Variants in CAST observed in about 807,000 individuals in gnomAD.
The protein encoded by CAST is MIR583 host.
In CAST, 76 loss-of-function variants were observed where a neutral mutation model predicts 119.6. The observed-to-expected ratio is 0.64, with a 90% CI of 0.53 to 0.77. The LOEUF is 0.77. CAST is among the 30% of genes least tolerant of loss of function. CAST has a pLI of 0.00. For missense variants in CAST, 953 were observed against 946.5 expected (o/e 1.01, Z -0.09); for synonymous variants, 319 against 331.6 (o/e 0.96, Z 0.41).
chr5:95,988,149 C>T, the CAST span, among the ~76,000 whole-genome samples: 1 of 152,150 alleles, frequency 6.6e-6, no homozygotes, highest in East Asian at 1.9e-4. Context: ...TGTGTGGAGA[C>T]ATTTTTGCTT....
the CAST span, among the ~76,000 whole-genome samples, chr5:96,070,714 G>A: frequency 2.0e-5 from 3 of 152,160 alleles, no homozygotes; most frequent in Non-Finnish European, 4.4e-5. Flanking sequence ...GGAGACAGTT[G>A]TACAATAGAC....
At chr5:96,246,734 T>C in the CAST span, among the ~76,000 whole-genome samples, 2 of 152,194 alleles carry the variant, frequency 1.3e-5, no homozygotes, top group African/African-American at 2.4e-5. Context: ...GTAATTTGAA[T>C]TTGACATATT....
At chr5:96,300,521 A>G in the CAST span, among the ~76,000 whole-genome samples, 1 of 151,184 alleles carries the variant, frequency 6.6e-6, no homozygotes, top group African/African-American at 2.4e-5. Context: ...ACAGTTTGAA[A>G]TCAAGTAGTG....
chr5:95,999,246 T>G, the CAST span, among the ~76,000 whole-genome samples: 1 of 152,202 alleles, frequency 6.6e-6, no homozygotes, highest in Non-Finnish European at 1.5e-5. Flanking sequence ...TGTTTTTTTG[T>G]GTCTGGCTTG....
the CAST span, among the ~76,000 whole-genome samples, chr5:96,121,157 A>G: frequency 6.6e-6 from 1 of 152,292 alleles, no homozygotes; most frequent in East Asian, 1.9e-4. Context: ...ACTGGAATGT[A>G]AGCTTCAAAA....
chr5:96,370,902 G>C, the CAST span, among the ~76,000 whole-genome samples: 1 of 152,132 alleles, frequency 6.6e-6, no homozygotes, highest in Non-Finnish European at 1.5e-5. Context: ...ACTCAAATTG[G>C]AGAGCTCCCC....
In CAST at chr5:96,763,274, C is replaced by T. The variant is rs202219867; in HGVS notation, c.1932+902C>T. 8.4e-4 allele frequency: 653 copies of T among 780,422 alleles called. 3 individuals are homozygous for T. In the African/African-American group the frequency reaches 8.9e-3, roughly 11 times the overall value. 48.3% of individuals were successfully genotyped at this position (780,422 alleles called of 1,614,324 possible). A position where few individuals can be genotyped will look rare whatever the true frequency, so the allele number is the denominator to read the frequency against. ...AAATGACAAAGCCCAGACCTGGCCCCGGGCAGCTCTACCATTAGCAGCTAT... is the reference window on the plus strand; with the variant it reads ...AAATGACAAAGCCCAGACCTGGCCCTGGGCAGCTCTACCATTAGCAGCTAT... On this transcript the variant is annotated intron_variant, in intron 25 of 31. Coordinates refer to ENST00000675179, the MANE Select transcript of CAST (RefSeq NM_001750.7).
At chr5:96,423,656 C>T in the CAST span, among the ~76,000 whole-genome samples, 2 of 152,140 alleles carry the variant, frequency 1.3e-5, no homozygotes, top group East Asian at 3.9e-4. Flanking sequence ...GCTCTTCTCC[C>T]GATTGTCCCA....
the CAST span, chr5:96,410,960 G>C: frequency 1.2e-6 from 2 of 1,613,460 alleles, no homozygotes; most frequent in Non-Finnish European, 1.7e-6. Context: ...AAGCCCAGAC[G>C]AAGATGGACC....
At chr5:96,618,125 G>A (rs1320816888) in intron 1 of CAST, among the ~76,000 whole-genome samples, 1 of 152,174 alleles carries the variant, frequency 6.6e-6, no homozygotes. Flanking sequence ...CAGTCCTACA[G>A]GGCTAACTCC....
the CAST span, chr5:96,393,192 C>A: frequency 6.2e-7 from 1 of 1,614,136 alleles, no homozygotes. Flanking sequence ...TTGAGCTTTG[C>A]ACTTGGGGAC....
intron 3 of CAST, among the ~76,000 whole-genome samples, chr5:96,709,765 C>T (rs778877036): frequency 9.2e-5 from 14 of 152,268 alleles, no homozygotes; most frequent in Non-Finnish European, 1.6e-4. Flanking sequence ...CAGAAATAGA[C>T]ATATATTATT....
chr5:96,361,888 G>A, the CAST span, among the ~76,000 whole-genome samples: 1 of 148,136 alleles, frequency 6.8e-6, no homozygotes, highest in African/African-American at 2.5e-5. Flanking sequence ...ACAACGTGCA[G>A]GTTCATTACA....
At chr5:96,754,818 C>G (rs1256888612) in intron 22 of CAST, 77 bp downstream of exon 22, 3 of 830,908 alleles carry the variant, frequency 3.6e-6, no homozygotes, top group Non-Finnish European at 6.1e-6. Flanking sequence ...TACTTGGGAA[C>G]AGAACTGGAA....
chr5:96,491,490 CAAAAAAAAAAAAAAAAAAAA>C, the CAST span, among the ~76,000 whole-genome samples: 908 of 56,860 alleles, frequency 0.016, 37 homozygotes, highest in African/African-American at 0.047. Flanking sequence ...GACTCCATCT[CAAAAAAAAAAAAAAAAAAAA>C]AAAAAAAAAA....
chr5:96,352,271 G>A, the CAST span, among the ~76,000 whole-genome samples: 5 of 152,132 alleles, frequency 3.3e-5, no homozygotes, highest in African/African-American at 7.2e-5. Context: ...ATGGGAAAAC[G>A]TCTGGTGAGA....
the CAST span, among the ~76,000 whole-genome samples, chr5:96,360,182 A>G: frequency 6.6e-6 from 1 of 152,022 alleles, no homozygotes; most frequent in African/African-American, 2.4e-5. Context: ...TTTAAGCATC[A>G]TCAAGTCATT....
chr5:96,692,327 G>A (rs1752819200), intron 2 of CAST, among the ~76,000 whole-genome samples: 1 of 152,076 alleles, frequency 6.6e-6, no homozygotes, highest in Non-Finnish European at 1.5e-5. Context: ...CCTTGCACCT[G>A]GAGGCAAGGG....
At chr5:96,421,884 T>G in the CAST span, 1 of 1,518,390 alleles carries the variant, frequency 6.6e-7, no homozygotes, top group Non-Finnish European at 9.1e-7. Flanking sequence ...ACTCACTTGT[T>G]CTCGTTTGTG....
Sources: allele counts gnomAD v4.1 joint callset (sites outside exome capture counted in the v4.1 genomes callset), GRCh38; gene constraint gnomAD v4.1.1; transcripts MANE v1.5; gene names NCBI Gene and HGNC (gene_info 2026-07-23, HGNC 2026-07-21).